Variants in SAMSN1 observed in about 807,000 individuals in gnomAD.
SAMSN1 encodes SAM domain-containing protein SAMSN-1.
In SAMSN1, 31 loss-of-function variants were observed where a neutral mutation model predicts 42.0. The ratio of observed to expected loss-of-function variants is 0.74; its 90% CI spans 0.55 to 1.00. The LOEUF (loss-of-function observed/expected upper bound fraction) is 1.00, where lower values mean the gene tolerates loss of function less well. Among genes scored for constraint, SAMSN1 ranks in the 50% least tolerant of loss-of-function variants. The pLI, the probability that SAMSN1 is intolerant of heterozygous loss-of-function variation, is 0.00. For synonymous variants in SAMSN1, 178 were observed against 151.9 expected (o/e 1.17, Z -1.26); for missense variants, 464 against 439.4 (o/e 1.06, Z -0.50).
chr21:14,580,435 T>A (rs1981667076), intron 2 of SAMSN1, among the ~76,000 whole-genome samples: 1 of 152,068 alleles, frequency 6.6e-6, no homozygotes, highest in African/African-American at 2.4e-5. Context: ...TGCCAAGGAG[T>A]CATCAGCCTT....
chr21:14,510,427 G>C lies in SAMSN1; in HGVS notation c.444C>G (p.Asn148Lys), dbSNP rs959533469. 5.0e-6 allele frequency: 8 copies of C among 1,614,040 alleles called. No individual in the cohort carries two copies. The highest frequency in any genetic ancestry group is 6.8e-6 in the Non-Finnish European group (8 of 1,180,024). Residue 148 changes from asparagine (N) to lysine (K), a missense_variant, in exon 5 of 8, where the codon AAC becomes AAG. Coordinates refer to ENST00000400566, the MANE Select transcript of SAMSN1 (RefSeq NM_022136.5). Reference sequence around the variant, plus strand: ...CGTCATCCAGTCGAAAGCTGTCCCGGTTACTTGTACCATCTGAACAGCTTG... The same window carrying C: ...CGTCATCCAGTCGAAAGCTGTCCCGCTTACTTGTACCATCTGAACAGCTTG... ...GITSCSDGTS[N>K]RDSFRLDDDG...
chr21:14,654,363 T>A (rs1600986413), intron 1 of SAMSN1, among the ~76,000 whole-genome samples: 1 of 152,150 alleles, frequency 6.6e-6, no homozygotes, highest in East Asian at 1.9e-4. Context: ...AAGTAAGTCA[T>A]GAGTGCTCTA....
At chr21:14,569,022 T>C (rs947998516) in intron 2 of SAMSN1, among the ~76,000 whole-genome samples, 2 of 152,094 alleles carry the variant, frequency 1.3e-5, no homozygotes, top group Non-Finnish European at 2.9e-5. Context: ...CTAGGCATAG[T>C]AGCTTCATGC....
intron 2 of SAMSN1, among the ~76,000 whole-genome samples, chr21:14,618,650 CTGTGTA>C (rs1323813136): frequency 6.8e-4 from 73 of 107,750 alleles, no homozygotes; most frequent in African/African-American, 2.6e-3. Flanking sequence ...AGAACCACAG[CTGTGTA>C]TGTGTGTGTG....
At chr21:14,608,567 G>A (rs1261731349) in intron 5 of SAMSN1, among the ~76,000 whole-genome samples, 1 of 152,136 alleles carries the variant, frequency 6.6e-6, no homozygotes, top group East Asian at 1.9e-4. Context: ...TGGAACTGAG[G>A]TGCACATGAT....
At chr21:14,489,810 GT>G in intron 7 of SAMSN1, among the ~76,000 whole-genome samples, 1 of 152,150 alleles carries the variant, frequency 6.6e-6, no homozygotes. Flanking sequence ...TTTTAAGATA[GT>G]TATCAATGTT....
Position 14,635,999 on chromosome 21 carries a change from C to T in SAMSN1, c.156+7003G>A, listed in dbSNP as rs1213094733. Among the ~76,000 whole-genome samples the T allele has an allele frequency of 2.6e-5, 4 of 152,074 alleles. No individual in the cohort carries two copies. In the East Asian group the frequency reaches 5.8e-4, roughly 22 times the overall value. On this transcript the variant is annotated intron_variant, in intron 2 of 15. Transcript: ENST00000647101. ...CAACAGGCCCTGGTGTGTGATGTTC[C>T]CTGCCCTGTGTCCAAGTGTTCTCAT... is the stretch of plus-strand genomic sequence containing the variant.
chr21:14,617,560 C>A (rs371079093), intron 2 of SAMSN1, among the ~76,000 whole-genome samples: 25 of 152,176 alleles, frequency 1.6e-4, no homozygotes, highest in Middle Eastern at 6.8e-3. Flanking sequence ...CAATCGGGAC[C>A]AAATATGTCT....
At chr21:14,524,585 C>T (rs1978715572) in intron 1 of SAMSN1, among the ~76,000 whole-genome samples, 1 of 152,080 alleles carries the variant, frequency 6.6e-6, no homozygotes, top group African/African-American at 2.4e-5. Flanking sequence ...TACATTTGCC[C>T]TTTGTCCCAA....
intron 2 of SAMSN1, among the ~76,000 whole-genome samples, chr21:14,618,315 G>A (rs923913940): frequency 8.5e-5 from 13 of 152,162 alleles, no homozygotes; most frequent in Admixed American, 2.6e-4. Flanking sequence ...TTCCTACAAG[G>A]GTAGGGAGAG....
chr21:14,544,093 A>G (rs1980226750), intron 1 of SAMSN1, among the ~76,000 whole-genome samples: 1 of 152,204 alleles, frequency 6.6e-6, no homozygotes, highest in East Asian at 1.9e-4. Flanking sequence ...TCTGTTGCCC[A>G]GGCTGGAGTG....
chr21:14,571,483 T>C (rs1372576260), intron 2 of SAMSN1, among the ~76,000 whole-genome samples: 1 of 152,170 alleles, frequency 6.6e-6, no homozygotes, highest in Non-Finnish European at 1.5e-5. Context: ...CACTGAATAT[T>C]CATAAGGGTT....
intron 2 of SAMSN1, among the ~76,000 whole-genome samples, chr21:14,616,787 C>T (rs1051182695): frequency 6.6e-6 from 1 of 152,032 alleles, no homozygotes; most frequent in Non-Finnish European, 1.5e-5. Context: ...AAAATTGCAA[C>T]GAATATTCCA....
intron 2 of SAMSN1, among the ~76,000 whole-genome samples, chr21:14,628,135 T>G (rs915149829): frequency 2.6e-5 from 4 of 152,130 alleles, no homozygotes; most frequent in African/African-American, 9.7e-5. Context: ...CACAACAGCA[T>G]CCAATCAATG....
intron 5 of SAMSN1, among the ~76,000 whole-genome samples, chr21:14,605,991 G>A (rs368576657): frequency 3.0e-4 from 45 of 151,762 alleles, no homozygotes; most frequent in African/African-American, 8.2e-4. Context: ...ACAGGCGCCC[G>A]CCACCACGCC....
At chr21:14,486,177 ATTCACTTTCAAG>A in intron 7 of SAMSN1, 63 bp from the exon 8 acceptor site, 1 of 1,097,608 alleles carries the variant, frequency 9.1e-7, no homozygotes, top group Admixed American at 2.0e-5. Flanking sequence ...TCATGTACTC[ATTCACTTTCAAG>A]TATTATCCTA....
intron 5 of SAMSN1, among the ~76,000 whole-genome samples, chr21:14,501,930 C>G (rs1012625994): frequency 5.9e-5 from 9 of 152,168 alleles, no homozygotes; most frequent in African/African-American, 2.2e-4. Flanking sequence ...TAGAAAACCT[C>G]ATGGGGATAT....
rs1307817171 is a variant in SAMSN1, at chr21:14,615,790, C to G, written c.197+186G>C. ...TGTCTACTGGAATGTCACAACACAG[C>G]TTTCCCATGCATCAGCATAAACAGA... On this transcript the variant is annotated intron_variant, in intron 3 of 15. Coordinates refer to the SAMSN1 transcript ENST00000647101. Among the ~76,000 whole-genome samples, 5 of 146,488 alleles carry G rather than the reference C, an allele frequency of 3.4e-5. No individual in the cohort carries two copies. The East Asian group carries it at 1.0e-3, about 29-fold the overall frequency.
intron 6 of SAMSN1, among the ~76,000 whole-genome samples, chr21:14,599,108 C>A (rs746626077): frequency 6.6e-6 from 1 of 152,106 alleles, no homozygotes; most frequent in African/African-American, 2.4e-5. Flanking sequence ...ATAATTTGGA[C>A]GTTTGTTGTT....
Sources: gnomAD v4.1 joint callset for allele counts (sites outside exome capture counted in the v4.1 genomes callset) on GRCh38, gnomAD v4.1.1 for gene constraint, MANE v1.5 for transcripts, NCBI Gene and HGNC (gene_info 2026-07-23, HGNC 2026-07-21) for gene names.